Variants in YTHDC1 observed in about 807,000 individuals in gnomAD.
YTHDC1 encodes YTH domain-containing protein 1.
In YTHDC1, 12 loss-of-function variants were observed where a neutral mutation model predicts 107.0. That is an observed-to-expected ratio of 0.11 (90% CI 0.07 to 0.18). YTHDC1 has a LOEUF of 0.18. YTHDC1 is among the 10% of genes least tolerant of loss of function. The pLI, the probability that YTHDC1 is intolerant of heterozygous loss-of-function variation, is 1.00. For synonymous variants in YTHDC1, 280 were observed against 289.5 expected, an observed-to-expected ratio of 0.97 and a Z score of 0.33; for missense variants, 635 against 898.8, an observed-to-expected ratio of 0.71 and a Z score of 3.75.
At chr4:68,318,901 A>G in intron 12 of YTHDC1, 39 bp from the exon 13 acceptor site, 1 of 1,607,100 alleles carries the variant, frequency 6.2e-7, no homozygotes, top group Non-Finnish European at 8.5e-7. Context: ...TCAAATTTAT[A>G]TTTTTCTTTT....
At chr4:68,319,271 C>T (rs574338005) in intron 12 of YTHDC1, among the ~76,000 whole-genome samples, 5 of 152,054 alleles carry the variant, frequency 3.3e-5, no homozygotes, top group Non-Finnish European at 7.4e-5. Context: ...CACAGATAAG[C>T]TTTTTAAAAT....
intron 12 of YTHDC1, 51 bp from the exon 13 acceptor site, chr4:68,318,913 T>C (rs762966975): frequency 1.0e-5 from 16 of 1,591,274 alleles, no homozygotes; most frequent in African/African-American, 1.3e-5. Flanking sequence ...TTTTCTTTTA[T>C]GGCATTATAA....
At chr4:68,315,232 T>G (rs116489650) in intron 16 of YTHDC1, among the ~76,000 whole-genome samples, 2,622 of 152,258 alleles carry the variant, frequency 0.017, 72 homozygotes, top group African/African-American at 0.06. Context: ...AACTACTAAT[T>G]TAAAGTTTGT....
chr4:68,338,424 T>C (rs1258439531), intron 1 of YTHDC1, 40 bp from the exon 2 acceptor site: 9 of 1,471,468 alleles, frequency 6.1e-6, no homozygotes, highest in Non-Finnish European at 7.4e-6. Flanking sequence ...AAAATCACTA[T>C]CATTGAACAT....
rs151120707 is a variant in YTHDC1, at chr4:68,338,550, T to C, written c.29-166A>G. 445 of 556,618 alleles carry C rather than the reference T, an allele frequency of 8.0e-4. 7 individuals are homozygous for C. In the East Asian group the frequency reaches 0.014, roughly 17 times the overall value. The allele number at this position is 556,618 out of a possible 1,614,324, so 34.5% of individuals were successfully genotyped here. A position where few individuals can be genotyped will look rare whatever the true frequency, so the allele number is the denominator to read the frequency against. ...GACACAAGATTAATTTCTATAAAACTAATACAGGGTAAAGAATTGGCCAGT... is the reference window on the plus strand; with the variant it reads ...GACACAAGATTAATTTCTATAAAACCAATACAGGGTAAAGAATTGGCCAGT... On this transcript the variant is annotated intron_variant, in intron 1 of 16. Transcript: ENST00000344157.
intron 16 of YTHDC1, 44 bp from the exon 17 acceptor site, chr4:68,314,367 T>C (rs370195734): frequency 4.3e-5 from 68 of 1,566,574 alleles, no homozygotes; most frequent in African/African-American, 4.1e-4. Context: ...AAAAGGCAAA[T>C]AGTGTTAAGT....
At chr4:68,346,100 T>TATATATATATATATAC (rs144743953) in intron 1 of YTHDC1, among the ~76,000 whole-genome samples, 42 of 134,144 alleles carry the variant, frequency 3.1e-4, no homozygotes, top group African/African-American at 1.1e-3. Context: ...TATATATATA[T>TATATATATATATATAC]ACACACACAC....
At chr4:68,325,377 A>C (rs1208245576) in intron 9 of YTHDC1, among the ~76,000 whole-genome samples, 1 of 152,206 alleles carries the variant, frequency 6.6e-6, no homozygotes, top group Non-Finnish European at 1.5e-5. Flanking sequence ...CTTGAAAGAA[A>C]ACCCAGGTAA....
intron 1 of YTHDC1, among the ~76,000 whole-genome samples, chr4:68,347,612 T>G (rs749633798): frequency 6.6e-6 from 1 of 152,226 alleles, no homozygotes; most frequent in Non-Finnish European, 1.5e-5. Context: ...CTGCAACTTA[T>G]AGACTCATTT....
chr4:68,344,487 G>A (rs1208325190), intron 1 of YTHDC1, among the ~76,000 whole-genome samples: 2 of 152,172 alleles, frequency 1.3e-5, no homozygotes, highest in African/African-American at 4.8e-5. Context: ...CAAGCACTGT[G>A]TTGTCAGATC....
chr4:68,317,778 A>G lies in YTHDC1; in HGVS notation c.1824+741T>C, dbSNP rs898440488. 3.9e-5 allele frequency among the ~76,000 whole-genome samples: 6 copies of G among 152,352 alleles called. No individual in the cohort carries two copies. The East Asian group carries it at 9.6e-4, about 24-fold the overall frequency. ...CTATACCAGGACAGTCATGATGTCA[A>G]TTTCATTCACCATGATATAATCAGA... On this transcript the variant is annotated intron_variant, in intron 15 of 16. Transcript: ENST00000344157.
chr4:68,345,928 T>C (rs1342323309), intron 1 of YTHDC1, among the ~76,000 whole-genome samples: 1 of 151,890 alleles, frequency 6.6e-6, no homozygotes, highest in Non-Finnish European at 1.5e-5. Context: ...AGCCTAGATA[T>C]GTAGTAGGTT....
At chr4:68,333,158 G>T in intron 5 of YTHDC1, 150 bp downstream of exon 5, 1 of 629,530 alleles carries the variant, frequency 1.6e-6, no homozygotes. Context: ...ATAAGAAAAA[G>T]CTTAGTTTTC....
rs1332147730 is a variant in YTHDC1, at chr4:68,322,108, T to C, written c.1601+641A>G. Among the ~76,000 whole-genome samples the C allele has an allele frequency of 6.6e-6, 1 of 152,190 alleles. No individual in the cohort carries two copies. Among genetic ancestry groups the C allele is most frequent in the Non-Finnish European group, 1.5e-5 (1 of 68,028 alleles). On this transcript the variant is annotated intron_variant, in intron 11 of 16. Transcript: ENST00000344157. The surrounding 1 kb of genome is among the most constrained non-coding windows in gnomAD (Gnocchi z 4.8). ...GGTCTCCCAGGGCCACTTGATCCCC[T>C]TTGGAAAGAACCTATTGTTTTCAGA...
At chr4:68,318,460 C>G in intron 15 of YTHDC1, 59 bp downstream of exon 15, 2 of 1,477,526 alleles carry the variant, frequency 1.4e-6, no homozygotes, top group Non-Finnish European at 1.8e-6. Flanking sequence ...GAGTAAGCAC[C>G]TGAAATACTA....
chr4:68,315,703 T>C (rs1251622609), intron 16 of YTHDC1, among the ~76,000 whole-genome samples: 2 of 152,186 alleles, frequency 1.3e-5, no homozygotes, highest in African/African-American at 4.8e-5. Context: ...GAGTCTTTTT[T>C]TCACTGGTCC....
chr4:68,325,019 T>TA (rs1722831288), intron 9 of YTHDC1, among the ~76,000 whole-genome samples: 1 of 152,172 alleles, frequency 6.6e-6, no homozygotes, highest in South Asian at 2.1e-4. Context: ...TGCCAAGAAA[T>TA]AATTGTAAAT....
chr4:68,336,962 C>G, intron 4 of YTHDC1, 65 bp downstream of exon 4: 2 of 1,513,748 alleles, frequency 1.3e-6, no homozygotes, highest in East Asian at 2.3e-5. Flanking sequence ...ATAATTTAAA[C>G]ATTTTCAAGA....
Position 68,313,875 on chromosome 4 carries a change from T to C in YTHDC1, c.*224A>G. 1.7e-6 allele frequency: 1 copy of C among 588,704 alleles called. No homozygotes were observed. The highest frequency in any genetic ancestry group is 3.0e-6 in the Non-Finnish European group (1 of 333,312). The allele number at this position is 588,704 out of a possible 1,614,324, so 36.5% of individuals were successfully genotyped here. A position where few individuals can be genotyped will look rare whatever the true frequency, so the allele number is the denominator to read the frequency against. On this transcript the variant is annotated 3_prime_UTR_variant, in exon 17 of 17. Coordinates refer to ENST00000344157, the MANE Select transcript of YTHDC1 (RefSeq NM_001031732.4). The stretch of plus-strand genomic sequence containing the variant: ...CTTGGACTGTTCCATTCTGCCCCAA[T>C]AAAAGTGTCAATTCAACTGTCAGCT...
Sources: allele counts gnomAD v4.1 joint callset (sites outside exome capture counted in the v4.1 genomes callset), GRCh38; gene constraint gnomAD v4.1.1; non-coding constraint Gnocchi (gnomAD v3.1); transcripts MANE v1.5; gene names NCBI Gene and HGNC (gene_info 2026-07-23, HGNC 2026-07-21).